The following TP53I13 variants were observed in gnomAD, a reference collection of about 807,000 sequenced individuals.
TP53I13 encodes the protein tumor protein p53-inducible protein 13.
In TP53I13, 27 loss-of-function variants were observed where a neutral mutation model predicts 39.1. The ratio of observed to expected loss-of-function variants is 0.69; its 90% CI spans 0.51 to 0.95. The LOEUF (loss-of-function observed/expected upper bound fraction) is 0.95. Among genes scored for constraint, TP53I13 ranks in the 40% least tolerant of loss-of-function variants. TP53I13 has a pLI of 0.00. For missense variants in TP53I13, 544 were observed against 520.4 expected, an observed-to-expected ratio of 1.05 and a Z score of -0.44; for synonymous variants, 230 against 224.6, an observed-to-expected ratio of 1.02 and a Z score of -0.22.
chr17:29,576,488 G>C (rs552544807), downstream of TP53I13: 9 of 1,613,134 alleles, frequency 5.6e-6, no homozygotes, highest in Non-Finnish European at 7.6e-6. Context: ...CTGGAGTCCT[G>C]GGGCTCCCCC....
downstream of TP53I13, chr17:29,577,276 T>C (rs753336063): frequency 6.3e-7 from 1 of 1,583,014 alleles, no homozygotes; most frequent in Admixed American, 1.7e-5. Flanking sequence ...CAGGCTGGCT[T>C]CAGGGGACCC....
the TP53I13 span, chr17:29,578,240 A>G: frequency 7.4e-7 from 1 of 1,351,606 alleles, no homozygotes; most frequent in Admixed American, 1.7e-5. Flanking sequence ...AAAGGACCAG[A>G]GACCCATGCC....
At chr17:29,567,050 G>A (rs1476028368), upstream of TP53I13, 59 of 1,150,458 alleles carry the variant, frequency 5.1e-5, 2 homozygotes, top group South Asian at 2.3e-3. This position sits in a 1 kb window ranked among gnomAD's most constrained non-coding sequence, Gnocchi z 6.6. Flanking sequence ...GGCTCCGCCC[G>A]CCGGCGGCGG....
chr17:29,582,219 C>A, the TP53I13 span: 2 of 1,179,854 alleles, frequency 1.7e-6, no homozygotes, highest in South Asian at 1.4e-5. Context: ...TGCACCCTGG[C>A]TGCCCCTGGG....
chr17:29,572,594 G>T lies in TP53I13; in HGVS notation c.966G>T (p.Val322=). 6.3e-7 allele frequency: 1 copy of T among 1,593,098 alleles called. No individual in the cohort carries two copies. The part of the protein sequence containing the change: ...WAAMALTFLL[V]LLTLATLCTR... ...CCATGGCCCTGACCTTCCTGCTGGT[G>T]CTGCTCACCCTGGCCACGCTCTGCA... The change falls in exon 6 of 7, where the codon GTG becomes GTT. Residue 322 remains valine, a synonymous_variant. Transcript: ENST00000301057.
chr17:29,572,840 C>T lies in TP53I13; in HGVS notation c.1098C>T (p.Pro366=), dbSNP rs1463817555. 3 of 1,526,994 alleles carry T rather than the reference C, an allele frequency of 2.0e-6. No individual in the cohort carries two copies. Among genetic ancestry groups the T allele is most frequent in the Non-Finnish European group, 2.6e-6 (3 of 1,143,100 alleles). The allele number at this position is 1,526,994 out of a possible 1,614,324, so 94.6% of individuals were successfully genotyped here. A position where few individuals can be genotyped will look rare whatever the true frequency, so the allele number is the denominator to read the frequency against. Residue 366 remains proline (P), a synonymous_variant, in exon 7 of 7, where the codon CCC becomes CCT. Transcript: ENST00000301057. Reference sequence around the variant, plus strand: ...TGCTGAAGCGGAGGCTGCTGCAGCCCTCGCGCCGGGTCAAGCGCTCGCGCC... The same window carrying T: ...TGCTGAAGCGGAGGCTGCTGCAGCCTTCGCGCCGGGTCAAGCGCTCGCGCC... ...AAVLKRRLLQ[P]SRRVKRSRRR... is the part of the protein sequence containing the mutation.
the TP53I13 span, chr17:29,579,182 C>T: frequency 3.3e-6 from 2 of 599,670 alleles, no homozygotes. Flanking sequence ...CTCTCAGTGA[C>T]CTGTTTGTCC....
At chr17:29,574,649 G>T, downstream of TP53I13, 1 of 1,388,854 alleles carries the variant, frequency 7.2e-7, no homozygotes, top group Non-Finnish European at 1.0e-6. Context: ...GAGTGGCCCA[G>T]CTCCTATGGC....
At chr17:29,581,922 C>T in the TP53I13 span, 1 of 1,612,648 alleles carries the variant, frequency 6.2e-7, no homozygotes, top group African/African-American at 1.3e-5. The surrounding 1 kb of genome is among the most constrained non-coding windows in gnomAD (Gnocchi z 4.8). Flanking sequence ...TCAGCCGACC[C>T]TCACCTGGCA....
downstream of TP53I13, chr17:29,577,775 G>A (rs370949609): frequency 2.2e-5 from 30 of 1,352,458 alleles, no homozygotes; most frequent in Middle Eastern, 1.8e-4. Context: ...GATCAGCCAC[G>A]GTGGCCAGGC....
upstream of TP53I13, chr17:29,568,474 C>T (rs2032781790): frequency 1.3e-5 from 2 of 153,216 alleles, no homozygotes; most frequent in Admixed American, 6.5e-5. This position sits in a 1 kb window ranked among gnomAD's most constrained non-coding sequence, Gnocchi z 4.5. Context: ...AAAGGGGCCC[C>T]CCGCCTGCCC....
the TP53I13 span, among the ~76,000 whole-genome samples, chr17:29,579,647 G>A: frequency 6.6e-6 from 1 of 151,954 alleles, no homozygotes; most frequent in African/African-American, 2.4e-5. Flanking sequence ...TATGGTAGGA[G>A]GATCGTTTGA....
upstream of TP53I13, chr17:29,566,794 T>C: frequency 6.6e-7 from 1 of 1,512,464 alleles, no homozygotes; most frequent in South Asian, 1.2e-5. Flanking sequence ...GTCGCTGAAC[T>C]GGTCCGCCGG....
At chr17:29,581,641 C>T in the TP53I13 span, 114 of 888,960 alleles carry the variant, frequency 1.3e-4, no homozygotes, top group Non-Finnish European at 1.8e-4. The surrounding 1 kb of genome is among the most constrained non-coding windows in gnomAD (Gnocchi z 4.8). Flanking sequence ...GCTCCCCAGC[C>T]GCTCTGTCAC....
At chr17:29,569,191 G>T (rs1351287357) in intron 2 of TP53I13, 105 bp downstream of exon 2, 3 of 1,471,630 alleles carry the variant, frequency 2.0e-6, no homozygotes, top group East Asian at 4.8e-5. Context: ...GACCTCTGCC[G>T]GTTCCTCAGT....
chr17:29,577,358 A>G (rs2033246007), downstream of TP53I13: 1 of 856,470 alleles, frequency 1.2e-6, no homozygotes, highest in Non-Finnish European at 1.9e-6. Flanking sequence ...AACCCCAGCT[A>G]AAGCGTCCCA....
At position 29,572,988 on chromosome 17, in the gene TP53I13, C is replaced by A; in HGVS notation, c.*64C>A. 7.9e-7 allele frequency: 1 copy of A among 1,272,832 alleles called. No homozygotes were observed. The highest frequency in any genetic ancestry group is 1.0e-6 in the Non-Finnish European group (1 of 991,908). 78.8% of individuals were successfully genotyped at this position (1,272,832 alleles called of 1,614,324 possible). A position where few individuals can be genotyped will look rare whatever the true frequency, so the allele number is the denominator to read the frequency against. ...CGCGCCGCGAGGCCGCGACCTCTGC[C>A]ACGTGGACCGCGCGCGGGGCGCTCC... On this transcript the variant is annotated 3_prime_UTR_variant, in exon 7 of 7. Coordinates refer to ENST00000301057, the MANE Select transcript of TP53I13 (RefSeq NM_138349.4).
chr17:29,577,080 G>C (rs1243380306), downstream of TP53I13: 1 of 1,607,408 alleles, frequency 6.2e-7, no homozygotes, highest in Non-Finnish European at 8.5e-7. Context: ...GAGCCATGCA[G>C]GAAAGACCCC....
downstream of TP53I13, chr17:29,573,810 A>AT (rs905745235): frequency 6.6e-6 from 1 of 152,658 alleles, no homozygotes; most frequent in Admixed American, 6.5e-5. Flanking sequence ...GCCAGCACAC[A>AT]TTCCCCCTCC....
Sources: allele counts gnomAD v4.1 joint callset (sites outside exome capture counted in the v4.1 genomes callset), GRCh38; gene constraint gnomAD v4.1.1; non-coding constraint Gnocchi (gnomAD v3.1); transcripts MANE v1.5; gene names NCBI Gene and HGNC (gene_info 2026-07-23, HGNC 2026-07-21).